PSMA1: variants seen among roughly 807,000 people sequenced by gnomAD.
PSMA1 encodes proteasome 20S subunit alpha 1.
PSMA1 carries 3 observed loss-of-function variants against 38.4 expected under a neutral mutation model. That is an observed-to-expected ratio of 0.08 (90% CI 0.04 to 0.20). The LOEUF is 0.20. Ranked by LOEUF, PSMA1 falls within the 10% of genes least tolerant of loss-of-function variation. PSMA1 has a pLI of 1.00. For missense variants in PSMA1, 227 were observed against 325.3 expected, an observed-to-expected ratio of 0.70 and a Z score of 2.32; for synonymous variants, 101 against 107.1, an observed-to-expected ratio of 0.94 and a Z score of 0.35.
chr11:14,640,738 T>C (rs1477930209), intron 1 of PSMA1, among the ~76,000 whole-genome samples: 2 of 152,228 alleles, frequency 1.3e-5, no homozygotes, highest in African/African-American at 2.4e-5. Context: ...TTTTTAAATA[T>C]AAGGTCGTAA....
At chr11:14,557,920 T>C (rs1851959329) in intron 2 of PSMA1, among the ~76,000 whole-genome samples, 2 of 152,164 alleles carry the variant, frequency 1.3e-5, no homozygotes, top group East Asian at 3.8e-4. Flanking sequence ...AATTGCAGAA[T>C]TGTCCAGGGT....
chr11:14,639,040 T>A (rs890812273), intron 1 of PSMA1, among the ~76,000 whole-genome samples: 1 of 152,174 alleles, frequency 6.6e-6, no homozygotes, highest in Non-Finnish European at 1.5e-5. Flanking sequence ...AAAAGTATAA[T>A]AGTAAATTTG....
At chr11:14,544,808 C>G (rs1217615465) in intron 2 of PSMA1, among the ~76,000 whole-genome samples, 3 of 152,166 alleles carry the variant, frequency 2.0e-5, no homozygotes, top group Non-Finnish European at 4.4e-5. Flanking sequence ...TACCATATGA[C>G]TCAGCAATTC....
At chr11:14,608,496 G>A (rs1233086936) in intron 2 of PSMA1, among the ~76,000 whole-genome samples, 1 of 150,414 alleles carries the variant, frequency 6.6e-6, no homozygotes, top group Non-Finnish European at 1.5e-5. Context: ...CACCAACATG[G>A]CACATGTATA....
intron 1 of PSMA1, among the ~76,000 whole-genome samples, chr11:14,641,320 G>C (rs1853198783): frequency 6.6e-6 from 1 of 152,016 alleles, no homozygotes; most frequent in South Asian, 2.1e-4. Context: ...TGAACCTAAA[G>C]AACTAAGTAA....
intron 2 of PSMA1, among the ~76,000 whole-genome samples, chr11:14,535,703 C>T (rs1010598497): frequency 6.6e-6 from 1 of 152,050 alleles, no homozygotes; most frequent in African/African-American, 2.4e-5. Context: ...CCTCGGCCTC[C>T]CAAAGTGCTG....
At chr11:14,608,692 G>GATTATATATGTTAAAATATATA (rs1852673309) in intron 2 of PSMA1, among the ~76,000 whole-genome samples, 5 of 146,916 alleles carry the variant, frequency 3.4e-5, no homozygotes, top group Non-Finnish European at 7.5e-5. Context: ...AAACATATAT[G>GATTATATATGTTAAAATATATA]ATTATATATG....
At chr11:14,573,302 A>G (rs1478934528) in intron 2 of PSMA1, among the ~76,000 whole-genome samples, 7 of 152,212 alleles carry the variant, frequency 4.6e-5, no homozygotes, top group African/African-American at 1.7e-4. Context: ...CACATCAAAA[A>G]GCTTATCCAC....
chr11:14,523,798 G>A (rs2134155173), upstream of PSMA1, among the ~76,000 whole-genome samples: 1 of 150,856 alleles, frequency 6.6e-6, no homozygotes. Context: ...GCCCAGGTTG[G>A]TCTCAAACTC....
At chr11:14,531,111 C>T (rs1851643109) in intron 2 of PSMA1, among the ~76,000 whole-genome samples, 1 of 151,886 alleles carries the variant, frequency 6.6e-6, no homozygotes, top group Admixed American at 6.6e-5. Context: ...CTCTGATAAC[C>T]CTATAGATAT....
chr11:14,508,565 A>AAAAAAAAAAAAAAAAAAC (rs1565031092), intron 8 of PSMA1, among the ~76,000 whole-genome samples: 4 of 147,880 alleles, frequency 2.7e-5, no homozygotes, highest in Non-Finnish European at 6.0e-5. Flanking sequence ...CCATCTCAAA[A>AAAAAAAAAAAAAAAAAAC]AAAAAAAAAA....
intron 2 of PSMA1, among the ~76,000 whole-genome samples, chr11:14,609,665 A>G (rs1852685583): frequency 6.6e-6 from 1 of 152,200 alleles, no homozygotes; most frequent in South Asian, 2.1e-4. Context: ...ATGCAAAAAC[A>G]GGAGGCAGGA....
At chr11:14,634,730 A>G (rs1370946106) in intron 1 of PSMA1, among the ~76,000 whole-genome samples, 1 of 152,220 alleles carries the variant, frequency 6.6e-6, no homozygotes, top group Non-Finnish European at 1.5e-5. Flanking sequence ...TTGAAACAGA[A>G]TTTTGACAAA....
In PSMA1 at chr11:14,520,119, A is replaced by G. The variant is rs1447192403; in HGVS notation, c.3+178T>C. On this transcript the variant is annotated intron_variant, in intron 1 of 9. Coordinates refer to ENST00000396394, the MANE Select transcript of PSMA1 (RefSeq NM_002786.4). ...GGTGGAAAGGCCGCACTGGCTACCG[A>G]TAACCCCTAGCCCGGCCAGGCCGGA... The G allele has an allele frequency of 7.1e-6, 7 of 979,444 alleles. No individual in the cohort carries two copies. In the East Asian group the frequency reaches 7.3e-5, roughly 10 times the overall value. 60.7% of individuals were successfully genotyped at this position (979,444 alleles called of 1,614,324 possible).
chr11:14,575,886 A>G (rs1852207402), intron 2 of PSMA1, among the ~76,000 whole-genome samples: 1 of 152,208 alleles, frequency 6.6e-6, no homozygotes, highest in Non-Finnish European at 1.5e-5. Flanking sequence ...GCAATGTAAA[A>G]GTGCTCCTAT....
At chr11:14,594,175 T>C (rs1444105163) in intron 2 of PSMA1, among the ~76,000 whole-genome samples, 2 of 152,248 alleles carry the variant, frequency 1.3e-5, no homozygotes, top group Non-Finnish European at 2.9e-5. Flanking sequence ...CTTCTTCTTA[T>C]GTGAAGTAAT....
intron 2 of PSMA1, among the ~76,000 whole-genome samples, chr11:14,589,583 G>GCAT (rs1852388158): frequency 6.6e-6 from 1 of 151,982 alleles, no homozygotes; most frequent in Non-Finnish European, 1.5e-5. Context: ...TATAGAAAGA[G>GCAT]CATACGTGCT....
intron 2 of PSMA1, among the ~76,000 whole-genome samples, chr11:14,536,736 C>T (rs1253829022): frequency 2.6e-5 from 4 of 151,994 alleles, no homozygotes; most frequent in Non-Finnish European, 5.9e-5. Context: ...CTCAGCCTCC[C>T]GAGTAGCTGG....
intron 1 of PSMA1, among the ~76,000 whole-genome samples, chr11:14,630,802 T>C (rs1852994158): frequency 2.0e-5 from 3 of 152,124 alleles, no homozygotes; most frequent in African/African-American, 7.3e-5. Context: ...TCCTGGACTC[T>C]TTTTGGTTGG....
Sources: gnomAD v4.1 joint callset for allele counts (sites outside exome capture counted in the v4.1 genomes callset) on GRCh38, gnomAD v4.1.1 for gene constraint, MANE v1.5 for transcripts, NCBI Gene and HGNC (gene_info 2026-07-23, HGNC 2026-07-21) for gene names.